PHF14: variants seen among roughly 807,000 people sequenced by gnomAD.
PHF14 encodes PHD finger protein 14.
Under a neutral mutation model 117.9 loss-of-function variants are expected in PHF14, and 55 were observed. The ratio of observed to expected loss-of-function variants is 0.47; its 90% CI spans 0.38 to 0.58. The LOEUF (loss-of-function observed/expected upper bound fraction) is 0.58, where lower values mean the gene tolerates loss of function less well. Among genes scored for constraint, PHF14 ranks in the 20% least tolerant of loss-of-function variants. PHF14 has a pLI of 0.00. For synonymous variants in PHF14, 409 were observed against 368.6 expected (o/e 1.11, Z -1.26); for missense variants, 978 against 1,122.2 (o/e 0.87, Z 1.84).
chr7:11,110,566 T>G (rs2128343357), intron 16 of PHF14: 1 of 970,046 alleles, frequency 1.0e-6, no homozygotes, highest in African/African-American at 1.8e-5. Flanking sequence ...GATAGTTTTC[T>G]TAGATTTTGC....
chr7:11,064,164 G>A (rs1785340667), intron 16 of PHF14, among the ~76,000 whole-genome samples: 1 of 151,690 alleles, frequency 6.6e-6, no homozygotes, highest in Non-Finnish European at 1.5e-5. Context: ...AAAATACATT[G>A]TTTATGCACT....
chr7:10,974,844 G>C lies in PHF14; in HGVS notation c.11G>C (p.Ser4Thr). 1 of 1,567,396 alleles carries C rather than the reference G, an allele frequency of 6.4e-7. No individual in the cohort carries two copies. The highest frequency in any genetic ancestry group is 8.7e-7 in the Non-Finnish European group (1 of 1,149,094). The change falls in exon 2 of 18, where the codon AGC becomes ACC. Residue 4 changes from serine to threonine, a missense_variant. By Grantham distance (58) the Ser-to-Thr change is moderately conservative. This residue lies in a region of PHF14 where 414 missense variants were observed against 376.4 expected (regional missense o/e 1.10). Coordinates refer to ENST00000634607, the MANE Select transcript of PHF14 (RefSeq NM_001007157.2). The stretch of plus-strand genomic sequence containing the variant: ...TTTTTTCTCTTCACAGTGGATCGCA[G>C]CTCCAAGAGGAGGCAGGTGAAGCCT... MDR[S>T]SKRRQVKPLA...
At chr7:11,031,984 G>A (rs546039129) in intron 7 of PHF14, among the ~76,000 whole-genome samples, 7 of 152,106 alleles carry the variant, frequency 4.6e-5, no homozygotes, top group Non-Finnish European at 7.3e-5. Context: ...ACCGGGTGTG[G>A]TGGCACACGC....
chr7:11,069,477 C>T (rs984743035), intron 16 of PHF14, among the ~76,000 whole-genome samples: 4 of 152,254 alleles, frequency 2.6e-5, no homozygotes, highest in African/African-American at 7.2e-5. Context: ...AGGGAGGCTT[C>T]AAAATCAACC....
rs993592182 is a variant in PHF14, at chr7:11,093,153, G to C, written c.2655-18197G>C. On this transcript the variant is annotated intron_variant, in intron 16 of 17. Coordinates refer to ENST00000634607, the MANE Select transcript of PHF14 (RefSeq NM_001007157.2). The stretch of plus-strand genomic sequence containing the variant: ...AGTGTATTTTATTTCCAAATATTCG[G>C]AGGATTTTCCATATATATTTCTGCT... Among the ~76,000 whole-genome samples, 3 of 152,288 alleles carry C rather than the reference G, an allele frequency of 2.0e-5. 1 individual carries two copies. The East Asian group carries it at 5.8e-4, about 29-fold the overall frequency.
chr7:11,004,197 A>G (rs994546124), intron 4 of PHF14, among the ~76,000 whole-genome samples: 1 of 149,654 alleles, frequency 6.7e-6, no homozygotes, highest in Non-Finnish European at 1.5e-5. Flanking sequence ...CAGTGAACCA[A>G]GATTGCACCA....
intron 17 of PHF14, among the ~76,000 whole-genome samples, chr7:11,143,000 A>C (rs1359277240): frequency 6.6e-6 from 1 of 152,200 alleles, no homozygotes; most frequent in Non-Finnish European, 1.5e-5. Flanking sequence ...TTTGCATAGA[A>C]TAGGAAAAAG....
chr7:11,030,648 T>C (rs745749858), intron 7 of PHF14, among the ~76,000 whole-genome samples: 18 of 152,162 alleles, frequency 1.2e-4, no homozygotes, highest in Admixed American at 2.6e-4. Flanking sequence ...TGAGGAAATT[T>C]ACAGGGAAAC....
At chr7:11,126,388 G>A (rs1479859550) in intron 17 of PHF14, among the ~76,000 whole-genome samples, 2 of 152,080 alleles carry the variant, frequency 1.3e-5, no homozygotes, top group East Asian at 3.8e-4. Flanking sequence ...AGCAGGCTAA[G>A]TGCTGTAAAG....
At chr7:11,168,393 G>A (rs1789272668) in intron 17 of PHF14, among the ~76,000 whole-genome samples, 1 of 152,170 alleles carries the variant, frequency 6.6e-6, no homozygotes, top group African/African-American at 2.4e-5. Flanking sequence ...TGGCAAGTAT[G>A]TAGTTTGTCA....
At chr7:11,038,070 A>T (rs1784369547) in intron 10 of PHF14, among the ~76,000 whole-genome samples, 1 of 152,198 alleles carries the variant, frequency 6.6e-6, no homozygotes, top group Non-Finnish European at 1.5e-5. Flanking sequence ...AATACTGCTG[A>T]ATAATTGGAT....
chr7:11,090,568 C>T (rs1786604687), intron 16 of PHF14, among the ~76,000 whole-genome samples: 2 of 151,822 alleles, frequency 1.3e-5, no homozygotes, highest in Admixed American at 6.6e-5. Context: ...AGTTGAGTTT[C>T]ATGTAGAGCA....
chr7:11,066,355 G>A (rs987502283), intron 16 of PHF14, among the ~76,000 whole-genome samples: 1 of 152,144 alleles, frequency 6.6e-6, no homozygotes, highest in African/African-American at 2.4e-5. Flanking sequence ...TGCCTCCCGG[G>A]CTCAAGCAAT....
At chr7:11,000,113 G>A (rs17163894) in intron 4 of PHF14, among the ~76,000 whole-genome samples, 2,128 of 152,156 alleles carry the variant, frequency 0.014, 50 homozygotes, top group East Asian at 0.1. Flanking sequence ...TTTGAATTCT[G>A]TGAACTTTAT....
intron 7 of PHF14, among the ~76,000 whole-genome samples, chr7:11,034,670 T>A (rs1053162241): frequency 6.8e-6 from 1 of 146,902 alleles, no homozygotes; most frequent in Non-Finnish European, 1.5e-5. Context: ...TACCTCAGCC[T>A]CCTGAGTAGC....
intron 16 of PHF14, chr7:11,062,733 G>A (rs1785272126): frequency 1.0e-6 from 1 of 985,188 alleles, no homozygotes; most frequent in South Asian, 4.7e-5. Context: ...CGGTCCAGAG[G>A]CTGCTAATTT....
intron 3 of PHF14, among the ~76,000 whole-genome samples, chr7:10,990,162 TAAG>T (rs1476284092): frequency 1.3e-5 from 2 of 152,216 alleles, no homozygotes; most frequent in Admixed American, 6.5e-5. Flanking sequence ...TCCCGGTACT[TAAG>T]GAGTATAGAG....
intron 4 of PHF14, chr7:11,006,878 G>A: frequency 1.7e-6 from 1 of 583,144 alleles, no homozygotes; most frequent in Non-Finnish European, 3.2e-6. Flanking sequence ...CTTGTGAAAA[G>A]CATAGTCATT....
chr7:11,078,687 C>G (rs1785960743), intron 16 of PHF14, among the ~76,000 whole-genome samples: 1 of 152,006 alleles, frequency 6.6e-6, no homozygotes. Flanking sequence ...GTATTATTGA[C>G]CCATCGTATT....
Sources: allele counts gnomAD v4.1 joint callset (sites outside exome capture counted in the v4.1 genomes callset), GRCh38; gene constraint gnomAD v4.1.1; regional missense constraint gnomAD v4.1.1; transcripts MANE v1.5; gene names NCBI Gene and HGNC (gene_info 2026-07-23, HGNC 2026-07-21).